The following KLHL23 variants were observed in gnomAD, a reference collection of about 807,000 sequenced individuals.
The protein encoded by KLHL23 is kelch like family member 23, also known as kelch-like protein 23.
A neutral mutation model predicts 48.9 loss-of-function variants in KLHL23; 33 were observed. That is an observed-to-expected ratio of 0.67 (90% CI 0.51 to 0.90). The LOEUF is 0.90. Among genes scored for constraint, KLHL23 ranks in the 40% least tolerant of loss-of-function variants. The pLI, the probability that KLHL23 is intolerant of heterozygous loss-of-function variation, is 0.00. For synonymous variants in KLHL23, 234 were observed against 231.6 expected, an observed-to-expected ratio of 1.01 and a Z score of -0.09; for missense variants, 608 against 669.6, an observed-to-expected ratio of 0.91 and a Z score of 1.02.
In KLHL23 at chr2:169,749,806, A is replaced by G; in HGVS notation, c.*74A>G. ...TATAAAAAAAGAATGCAGGGTTTGA[A>G]GTTCCTTACCTGATAATTGTGTCTG... On this transcript the variant is annotated 3_prime_UTR_variant, in exon 4 of 4. Coordinates refer to ENST00000392647, the MANE Select transcript of KLHL23 (RefSeq NM_144711.6). 6.6e-7 allele frequency: 1 copy of G among 1,507,516 alleles called. No homozygotes were observed. The highest frequency in any genetic ancestry group is 8.9e-7 in the Non-Finnish European group (1 of 1,121,488). 93.4% of individuals were successfully genotyped at this position (1,507,516 alleles called of 1,614,324 possible).
intron 2 of KLHL23, among the ~76,000 whole-genome samples, chr2:169,738,796 T>A (rs1472132919): frequency 1.3e-5 from 2 of 148,358 alleles, no homozygotes; most frequent in African/African-American, 5.0e-5. Context: ...TCATCTTTCT[T>A]CCTTTCTTCA....
In KLHL23 at chr2:169,735,461, T is replaced by C. The variant is rs953595712; in HGVS notation, c.447T>C (p.His149=). The stretch of plus-strand genomic sequence containing the variant: ...GAATGCACTCCTTTGCAGAATTTCA[T>C]GTGTGTCCAGAACTAGAGAAGGAAT... ...CIGMHSFAEF[H]VCPELEKESR... The change falls in exon 2 of 4, where the codon CAT becomes CAC. Residue 149 remains histidine (H), a synonymous_variant. Transcript: ENST00000392647. The surrounding 1 kb of genome is among the most constrained non-coding windows in gnomAD (Gnocchi z 4.5). The C allele has an allele frequency of 1.9e-6, 3 of 1,614,072 alleles. No individual in the cohort carries two copies. Among genetic ancestry groups the C allele is most frequent in the African/African-American group, 1.3e-5 (1 of 75,068 alleles).
chr2:169,743,379 T>C (rs1688720572), intron 3 of KLHL23, among the ~76,000 whole-genome samples: 1 of 152,130 alleles, frequency 6.6e-6, no homozygotes, highest in African/African-American at 2.4e-5. Flanking sequence ...AAATTGAAAA[T>C]CCAAAATAAA....
Position 169,749,879 on chromosome 2 carries a change from T to C in KLHL23, c.*147T>C. 1.2e-6 allele frequency: 1 copy of C among 803,974 alleles called. No individual in the cohort carries two copies. The highest frequency in any genetic ancestry group is 1.8e-6 in the Non-Finnish European group (1 of 558,722). The allele number at this position is 803,974 out of a possible 1,614,324, so 49.8% of individuals were successfully genotyped here. A position where few individuals can be genotyped will look rare whatever the true frequency, so the allele number is the denominator to read the frequency against. ...ATTGTAATTCCTAACCCTACTGTACTCCCAAACATGGTGATTCATGGTCAA... is the reference window on the plus strand; with the variant it reads ...ATTGTAATTCCTAACCCTACTGTACCCCCAAACATGGTGATTCATGGTCAA... On this transcript the variant is annotated 3_prime_UTR_variant, in exon 4 of 4. Coordinates refer to ENST00000392647, the MANE Select transcript of KLHL23 (RefSeq NM_144711.6).
At chr2:169,738,622 AC>A (rs1293032607) in intron 2 of KLHL23, among the ~76,000 whole-genome samples, 2 of 151,866 alleles carry the variant, frequency 1.3e-5, no homozygotes, top group Non-Finnish European at 2.9e-5. Flanking sequence ...CTGTTTAGGA[AC>A]TCCTGAATCT....
intron 3 of KLHL23, among the ~76,000 whole-genome samples, chr2:169,748,196 G>A (rs1446016500): frequency 6.6e-6 from 1 of 152,210 alleles, no homozygotes; most frequent in Non-Finnish European, 1.5e-5. Context: ...GGATGATGTG[G>A]TAGAGACGCC....
At chr2:169,748,784 C>CCA (rs1688869657) in intron 3 of KLHL23, among the ~76,000 whole-genome samples, 1 of 107,214 alleles carries the variant, frequency 9.3e-6, no homozygotes, top group Non-Finnish European at 2.0e-5. Flanking sequence ...CCCCCCCCCC[C>CCA]CCATATACAT....
intron 2 of KLHL23, among the ~76,000 whole-genome samples, chr2:169,738,472 T>C (rs1688567723): frequency 6.6e-6 from 1 of 152,146 alleles, no homozygotes; most frequent in South Asian, 2.1e-4. Flanking sequence ...TCGTTTTATT[T>C]TGTAGCCTTG....
chr2:169,734,133 C>CGAGCGGGGCCGGGCGCGGG (rs1295879634), intron 1 of KLHL23, 46 bp downstream of exon 1: 361 of 145,864 alleles, frequency 2.5e-3, no homozygotes, highest in African/African-American at 4.4e-3. Flanking sequence ...CTGCTGGGAG[C>CGAGCGGGGCCGGGCGCGGG]GAGCGGGGCC....
chr2:169,737,619 CTTT>C (rs1553476626), intron 2 of KLHL23, among the ~76,000 whole-genome samples: 1 of 142,592 alleles, frequency 7.0e-6, no homozygotes, highest in African/African-American at 2.6e-5. Context: ...TTTTCTTTTT[CTTT>C]TTTTTTTTTT....
At chr2:169,738,230 C>T (rs1267231443) in intron 2 of KLHL23, among the ~76,000 whole-genome samples, 1 of 152,092 alleles carries the variant, frequency 6.6e-6, no homozygotes, top group Non-Finnish European at 1.5e-5. Context: ...TGGGTGGACT[C>T]ATACAGAACT....
chr2:169,738,754 A>G (rs60276231), intron 2 of KLHL23, among the ~76,000 whole-genome samples: 22,452 of 151,290 alleles, frequency 0.15, 1,698 homozygotes, highest in Middle Eastern at 0.23. Context: ...GTGGAAAGAC[A>G]AAACCAACGT....
intron 2 of KLHL23, among the ~76,000 whole-genome samples, chr2:169,739,000 T>TC (rs1688606958): frequency 3.7e-5 from 1 of 27,384 alleles, no homozygotes; most frequent in East Asian, 1.5e-3. Context: ...CCTCCTCCCC[T>TC]TCCCCTCCCC....
intron 3 of KLHL23, among the ~76,000 whole-genome samples, chr2:169,746,322 T>G (rs928459191): frequency 6.6e-6 from 1 of 152,238 alleles, no homozygotes; most frequent in African/African-American, 2.4e-5. Context: ...TTGAAATCAA[T>G]TCAAATGGAT....
chr2:169,743,399 A>T (rs1268384713), intron 3 of KLHL23, among the ~76,000 whole-genome samples: 1 of 152,246 alleles, frequency 6.6e-6, no homozygotes, highest in Non-Finnish European at 1.5e-5. Context: ...ATGTTAAATT[A>T]TAATATAAAT....
At chr2:169,749,383 CT>C in intron 3 of KLHL23, 38 bp from the exon 4 acceptor site, 1 of 1,511,922 alleles carries the variant, frequency 6.6e-7, no homozygotes, top group African/African-American at 1.4e-5. Context: ...GTTTGTTATC[CT>C]TTAAAAAAAT....
At chr2:169,741,095 CT>C (rs1688666575) in intron 2 of KLHL23, 1 of 244,442 alleles carries the variant, frequency 4.1e-6, no homozygotes, top group Non-Finnish European at 7.9e-6. Context: ...TATGCCATGT[CT>C]TTAAAACAGC....
In KLHL23 at chr2:169,741,541, A is replaced by T. The variant is rs1378426582; in HGVS notation, c.1366+4A>T. 14 of 1,611,934 alleles carry T rather than the reference A, an allele frequency of 8.7e-6. No individual in the cohort carries two copies. Among genetic ancestry groups the T allele is most frequent in the Non-Finnish European group, 1.2e-5 (14 of 1,178,774 alleles). On this transcript the variant is annotated splice_donor_region_variant and intron_variant, in intron 3 of 3. Coordinates refer to ENST00000392647, the MANE Select transcript of KLHL23 (RefSeq NM_144711.6). ...ATCACCTCCAGTCCACATCCAGGTAACAAAAATACTGTCTCAAATAGTGTA... is the reference window on the plus strand; with the variant it reads ...ATCACCTCCAGTCCACATCCAGGTATCAAAAATACTGTCTCAAATAGTGTA...
At chr2:169,737,095 TCTTA>T (rs1688537001) in intron 2 of KLHL23, among the ~76,000 whole-genome samples, 2 of 152,222 alleles carry the variant, frequency 1.3e-5, no homozygotes, top group South Asian at 4.1e-4. Flanking sequence ...CCTGCTTTCC[TCTTA>T]CTTGCTGATG....
Sources: gnomAD v4.1 joint callset for allele counts (sites outside exome capture counted in the v4.1 genomes callset) on GRCh38, gnomAD v4.1.1 for gene constraint, Gnocchi (gnomAD v3.1) non-coding constraint, MANE v1.5 for transcripts, NCBI Gene and HGNC (gene_info 2026-07-23, HGNC 2026-07-21) for gene names.